Variants in SLC25A48 observed in about 807,000 individuals in gnomAD.
SLC25A48 encodes the protein CTC-321K16.1.
SLC25A48 carries 29 observed loss-of-function variants against 32.2 expected under a neutral mutation model. The observed-to-expected ratio is 0.90, with a 90% CI of 0.67 to 1.23. The LOEUF (loss-of-function observed/expected upper bound fraction) is 1.23, where lower values mean the gene tolerates loss of function less well. SLC25A48 is among the 50% of genes most tolerant of loss of function. The pLI is 0.00. For synonymous variants in SLC25A48, 164 were observed against 172.3 expected (o/e 0.95, Z 0.38); for missense variants, 399 against 422.7 (o/e 0.94, Z 0.49).
chr5:135,767,184 T>G (rs550010954), intron 3 of SLC25A48, among the ~76,000 whole-genome samples: 4 of 66,484 alleles, frequency 6.0e-5, no homozygotes, highest in Non-Finnish European at 1.1e-4. Flanking sequence ...TCAGGACAGG[T>G]ACACCCCCCC....
chr5:135,621,307 T>C (rs1172771095), intron 1 of SLC25A48, among the ~76,000 whole-genome samples: 1 of 152,246 alleles, frequency 6.6e-6, no homozygotes, highest in Non-Finnish European at 1.5e-5. Context: ...AATGGCTCAG[T>C]AGATAGTAGC....
At chr5:135,617,601 C>T (rs181958168) in intron 1 of SLC25A48, among the ~76,000 whole-genome samples, 4 of 150,550 alleles carry the variant, frequency 2.7e-5, no homozygotes, top group Admixed American at 2.0e-4. Context: ...TGTAAACTTC[C>T]CTGTTAGCAC....
At chr5:135,709,379 G>A (rs1371966764) in intron 3 of SLC25A48, among the ~76,000 whole-genome samples, 1 of 152,242 alleles carries the variant, frequency 6.6e-6, no homozygotes, top group East Asian at 1.9e-4. Context: ...GAAGTTGTGG[G>A]AAGAGCCCTG....
In SLC25A48 at chr5:135,834,909, G is replaced by T; in HGVS notation, c.46+16G>T. 6.3e-7 allele frequency: 1 copy of T among 1,598,748 alleles called. No homozygotes were observed. The highest frequency in any genetic ancestry group is 8.5e-7 in the Non-Finnish European group (1 of 1,173,080). ...TGGATCGGAGGTGAGTGTGCTTACCGGGGACCCCCGGTCAGAGAGAGCGAG... is the reference window on the plus strand; with the variant it reads ...TGGATCGGAGGTGAGTGTGCTTACCTGGGACCCCCGGTCAGAGAGAGCGAG... On this transcript the variant is annotated intron_variant, in intron 1 of 7. Coordinates refer to ENST00000681962, the MANE Select transcript of SLC25A48 (RefSeq NM_001349336.2).
intron 4 of SLC25A48, among the ~76,000 whole-genome samples, chr5:135,862,545 G>A (rs1760880540): frequency 6.6e-6 from 1 of 152,232 alleles, no homozygotes; most frequent in Non-Finnish European, 1.5e-5. Context: ...AGCCTTCAGG[G>A]TGTCCACAGT....
intron 1 of SLC25A48, among the ~76,000 whole-genome samples, chr5:135,612,106 T>C (rs1430319895): frequency 6.6e-6 from 1 of 152,222 alleles, no homozygotes; most frequent in Non-Finnish European, 1.5e-5. Flanking sequence ...ATTTTAATTG[T>C]CTAACATATA....
At chr5:135,711,120 CAAG>C (rs761776756) in intron 3 of SLC25A48, among the ~76,000 whole-genome samples, 8 of 152,184 alleles carry the variant, frequency 5.3e-5, no homozygotes, top group Non-Finnish European at 8.8e-5. Context: ...GAGAGCAGTG[CAAG>C]AGTTGCCTGA....
intron 3 of SLC25A48, among the ~76,000 whole-genome samples, chr5:135,786,729 C>T (rs7712203): frequency 0.016 from 2,498 of 151,612 alleles, 72 homozygotes; most frequent in African/African-American, 0.057. Context: ...AATATCCTGG[C>T]GAGATGTTAT....
At chr5:135,785,764 G>C (rs35207093) in intron 3 of SLC25A48, among the ~76,000 whole-genome samples, 103,504 of 146,058 alleles carry the variant, frequency 0.71, 36,886 homozygotes, top group Middle Eastern at 0.81. Context: ...GAAACATCCC[G>C]CTTGCCCCAT....
At position 135,790,176 on chromosome 5, in the gene SLC25A48, T is replaced by A. The variant is rs149530248; in HGVS notation, c.-520-22347T>A. Among the ~76,000 whole-genome samples, 717 of 151,918 alleles carry A rather than the reference T, an allele frequency of 4.7e-3. 3 individuals are homozygous for A. Among genetic ancestry groups the A allele is most frequent in the Middle Eastern group, 0.017 (5 of 290 alleles). On this transcript the variant is annotated intron_variant, in intron 3 of 10. Transcript: ENST00000646290. ...ATAATAGTTATTTTAATTCTCAATA[T>A]GATATTATTCATAATAATCTAGGGG...
At position 135,850,460 on chromosome 5, in the gene SLC25A48, C is replaced by T. The variant is rs946989902; in HGVS notation, c.126C>T (p.Thr42=). The change falls in exon 3 of 8, where the codon ACC becomes ACT. Residue 42 remains threonine (T), a synonymous_variant. Coordinates refer to ENST00000681962, the MANE Select transcript of SLC25A48 (RefSeq NM_001349336.2). Reference sequence around the variant, plus strand: ...AGGCTGGCGTTGGCTACGGAAACACCCTCAGCTGCATCCGCGTGGTGTACA... The same window carrying T: ...AGGCTGGCGTTGGCTACGGAAACACTCTCAGCTGCATCCGCGTGGTGTACA... ...RLQAGVGYGN[T]LSCIRVVYRR... is the part of the protein sequence containing the mutation. 1 of 1,614,036 alleles carries T rather than the reference C, an allele frequency of 6.2e-7. No individual in the cohort carries two copies. Among genetic ancestry groups the T allele is most frequent in the Non-Finnish European group, 8.5e-7 (1 of 1,180,046 alleles).
chr5:135,770,690 A>G (rs1756384995), intron 3 of SLC25A48, among the ~76,000 whole-genome samples: 1 of 151,380 alleles, frequency 6.6e-6, no homozygotes, highest in South Asian at 2.1e-4. Flanking sequence ...TATCCAGAAA[A>G]TGAGAGAATA....
chr5:135,601,036 T>G (rs750926576), intron 1 of SLC25A48: 31 of 152,074 alleles, frequency 2.0e-4, no homozygotes, highest in Non-Finnish European at 4.0e-4. Context: ...ATGAACAAGT[T>G]AATCCTTCCC....
At chr5:135,724,967 T>G (rs1189750908) in intron 3 of SLC25A48, among the ~76,000 whole-genome samples, 3 of 152,274 alleles carry the variant, frequency 2.0e-5, no homozygotes, top group African/African-American at 7.2e-5. Context: ...GCTACTGGCC[T>G]GCCTGGTCAG....
At chr5:135,770,414 T>C (rs1756376973) in intron 3 of SLC25A48, among the ~76,000 whole-genome samples, 1 of 151,758 alleles carries the variant, frequency 6.6e-6, no homozygotes, top group Admixed American at 6.6e-5. Context: ...TTACTCCCAG[T>C]ATCGCAGGGG....
rs553585480 is a variant in SLC25A48, at chr5:135,688,923, C to G, written c.-521+53967C>G. On this transcript the variant is annotated intron_variant, in intron 3 of 10. Transcript: ENST00000646290. ...AATAATAGCTATCATTCTTTGAATG[C>G]TTACTGTGTTTCAACTCTTCACATA... Among the ~76,000 whole-genome samples, 4 of 152,342 alleles carry G rather than the reference C, an allele frequency of 2.6e-5. No individual in the cohort carries two copies. The South Asian group carries it at 6.2e-4, about 24-fold the overall frequency.
intron 3 of SLC25A48, among the ~76,000 whole-genome samples, chr5:135,643,156 T>C (rs968201492): frequency 1.3e-5 from 2 of 152,236 alleles, no homozygotes; most frequent in African/African-American, 4.8e-5. Flanking sequence ...GGACACGATG[T>C]ATTGTTCTGA....
intron 3 of SLC25A48, among the ~76,000 whole-genome samples, chr5:135,732,189 A>C (rs1193969608): frequency 6.6e-6 from 1 of 152,210 alleles, no homozygotes; most frequent in Non-Finnish European, 1.5e-5. Flanking sequence ...CCATTAGTCC[A>C]TTCTACCTTT....
intron 3 of SLC25A48, among the ~76,000 whole-genome samples, chr5:135,793,804 C>A (rs1757094823): frequency 6.6e-6 from 1 of 151,308 alleles, no homozygotes; most frequent in Non-Finnish European, 1.5e-5. Context: ...CTCCTAATAT[C>A]ACAGTAGGTT....
Sources: gnomAD v4.1 joint callset for allele counts (sites outside exome capture counted in the v4.1 genomes callset) on GRCh38, gnomAD v4.1.1 for gene constraint, MANE v1.5 for transcripts, NCBI Gene and HGNC (gene_info 2026-07-23, HGNC 2026-07-21) for gene names.